DISP1: variants seen among roughly 807,000 people sequenced by gnomAD.
DISP1 encodes the protein dispatched RND transporter family member 1.
DISP1 carries 30 observed loss-of-function variants against 37.3 expected under a neutral mutation model. The observed-to-expected ratio is 0.80, with a 90% CI of 0.60 to 1.09. The LOEUF is 1.09. DISP1 is among the 50% of genes least tolerant of loss of function. DISP1 has a pLI of 0.00. For synonymous variants in DISP1, 634 were observed against 690.2 expected, an observed-to-expected ratio of 0.92 and a Z score of 1.28; for missense variants, 1,598 against 1,879.5, an observed-to-expected ratio of 0.85 and a Z score of 2.77.
At chr1:222,835,245 C>T (rs1056867367) in intron 1 of DISP1, 6 of 152,130 alleles carry the variant, frequency 3.9e-5, no homozygotes, top group African/African-American at 1.4e-4. Context: ...GAGTCATTTA[C>T]TCTTTAATTT....
At chr1:222,839,425 T>C (rs191583070) in intron 1 of DISP1, among the ~76,000 whole-genome samples, 36 of 152,320 alleles carry the variant, frequency 2.4e-4, no homozygotes, top group African/African-American at 8.4e-4. Flanking sequence ...GCACCACTTA[T>C]CTATAGCCTT....
Position 223,005,581 on chromosome 1 carries a change from T to C in DISP1, c.4184T>C (p.Val1395Ala). The stretch of plus-strand genomic sequence containing the variant: ...AAGATGGCAGAGCCATCGTCATTTG[T>C]CTGCAGAAGCACTGGATCGTTACTC... ...LPKMAEPSSFVCRSTGSLLKT... is the reference protein window; with the variant it reads ...LPKMAEPSSFACRSTGSLLKT... Residue 1395 changes from valine (V) to alanine (A), a missense_variant, in exon 9 of 9, where the codon GTC becomes GCC. Coordinates refer to ENST00000675850, the MANE Select transcript of DISP1 (RefSeq NM_001377229.1). The C allele has an allele frequency of 6.2e-7, 1 of 1,614,052 alleles. No individual in the cohort carries two copies. The highest frequency in any genetic ancestry group is 1.1e-5 in the South Asian group (1 of 91,076).
Position 223,005,681 on chromosome 1 carries a change from T to G in DISP1, c.4284T>G (p.Ser1428Arg). ...GAGACGTGAGCAATCTGGAGAGCAG[T>G]GGAGGGACTGAAAACAAGGCAGGAG... The part of the protein sequence containing the change: ...KNRDVSNLES[S>R]GGTENKAGGK... The change falls in exon 9 of 9, where the codon AGT becomes AGG. Residue 1428 changes from serine to arginine, a missense_variant. By Grantham distance (110) the Ser-to-Arg change is moderately radical. Transcript: ENST00000675850. 1 of 1,610,894 alleles carries G rather than the reference T, an allele frequency of 6.2e-7. No individual in the cohort carries two copies. The highest frequency in any genetic ancestry group is 8.5e-7 in the Non-Finnish European group (1 of 1,179,414).
intron 5 of DISP1, 97 bp downstream of exon 5, chr1:222,990,845 T>C (rs183962390): frequency 4.0e-6 from 6 of 1,494,198 alleles, no homozygotes; most frequent in Non-Finnish European, 5.6e-6. Flanking sequence ...CCCATTTCTT[T>C]AAAAACCTTC....
At chr1:222,932,946 A>G (rs1673495746) in intron 2 of DISP1, among the ~76,000 whole-genome samples, 1 of 152,014 alleles carries the variant, frequency 6.6e-6, no homozygotes, top group African/African-American at 2.4e-5. Context: ...ACTTCATTTT[A>G]TACCCACATT....
rs770232963 is a variant in DISP1 at position 223,003,255 on chromosome 1, T to C, written c.1858T>C (p.Tyr620His). The C allele has an allele frequency of 1.2e-6, 2 of 1,614,126 alleles. No homozygotes were observed. Among genetic ancestry groups the C allele is most frequent in the Non-Finnish European group, 1.7e-6 (2 of 1,180,038 alleles). Reference protein sequence around the residue: ...VTSFTTAAAFYANYVSNITAI... With the variant: ...VTSFTTAAAFHANYVSNITAI... ...CAGTTTTACCACTGCTGCTGCCTTTTATGCTAACTATGTTAGCAACATTAC... is the reference window on the plus strand; with the variant it reads ...CAGTTTTACCACTGCTGCTGCCTTTCATGCTAACTATGTTAGCAACATTAC... The change falls in exon 9 of 9, where the codon TAT becomes CAT. Residue 620 changes from tyrosine to histidine, a missense_variant. By Grantham distance (83) the Tyr-to-His change is moderately conservative. Transcript: ENST00000675850. This position sits in a 1 kb window ranked among gnomAD's most constrained non-coding sequence, Gnocchi z 4.3.
chr1:222,936,939 ATT>A (rs1250154519), intron 2 of DISP1, among the ~76,000 whole-genome samples: 4 of 77,670 alleles, frequency 5.1e-5, no homozygotes, highest in Non-Finnish European at 1.0e-4. Context: ...TGTAATATAT[ATT>A]ATATATTACA....
In DISP1 at chr1:223,004,674, G is replaced by T; in HGVS notation, c.3277G>T (p.Ala1093Ser). The T allele has an allele frequency of 1.9e-6, 3 of 1,614,086 alleles. No individual in the cohort carries two copies. Among genetic ancestry groups the T allele is most frequent in the Non-Finnish European group, 2.5e-6 (3 of 1,180,032 alleles). Residue 1093 changes from alanine (A) to serine (S), a missense_variant, in exon 9 of 9, where the codon GCA (alanine) becomes TCA (serine). Transcript: ENST00000675850. The surrounding 1 kb of genome is among the most constrained non-coding windows in gnomAD (Gnocchi z 4.9). ...MAMAALTTFV[A>S]GAMMMPSTVL... is the part of the protein sequence containing the mutation. ...CATGGCTGCCCTGACCACCTTCGTG[G>T]CAGGGGCCATGATGATGCCCTCCAC...
intron 1 of DISP1, among the ~76,000 whole-genome samples, chr1:222,871,684 T>G (rs1008099144): frequency 1.3e-5 from 2 of 152,240 alleles, no homozygotes; most frequent in African/African-American, 4.8e-5. Flanking sequence ...AAGGAGATTT[T>G]GGGCTGAGAT....
chr1:222,985,063 G>GA (rs1298662420), intron 4 of DISP1, among the ~76,000 whole-genome samples: 1 of 151,996 alleles, frequency 6.6e-6, no homozygotes, highest in Non-Finnish European at 1.5e-5. Context: ...AAGAGAGAAA[G>GA]AAAAAATGAG....
intron 1 of DISP1, among the ~76,000 whole-genome samples, chr1:222,832,934 G>A (rs190658885): frequency 2.6e-5 from 4 of 152,138 alleles, no homozygotes; most frequent in Non-Finnish European, 4.4e-5. Context: ...AGTTAAATTA[G>A]ATTACACATG....
In DISP1 at chr1:223,002,732, C is replaced by T; in HGVS notation, c.1335C>T (p.Ala445=). 6.2e-7 allele frequency: 1 copy of T among 1,614,140 alleles called. No homozygotes were observed. The highest frequency in any genetic ancestry group is 1.1e-5 in the South Asian group (1 of 91,074). The change falls in exon 9 of 9, where the codon GCC becomes GCT. Residue 445 remains alanine, a synonymous_variant. Coordinates refer to ENST00000675850, the MANE Select transcript of DISP1 (RefSeq NM_001377229.1). ...DFMTPKTADY[A]TPALKYSMLF... Reference sequence around the variant, plus strand: ...TGACCCCAAAGACGGCTGACTATGCCACGCCAGCTTTAAAATACAGCATGC... The same window carrying T: ...TGACCCCAAAGACGGCTGACTATGCTACGCCAGCTTTAAAATACAGCATGC...
chr1:222,944,180 A>T (rs1366645047), intron 3 of DISP1, among the ~76,000 whole-genome samples: 1 of 152,234 alleles, frequency 6.6e-6, no homozygotes, highest in Non-Finnish European at 1.5e-5. Context: ...CATAGCAGAT[A>T]AAACCTGTGA....
Position 223,002,532 on chromosome 1 carries a change from T to G in DISP1, c.1135T>G (p.Leu379Val). 6.2e-6 allele frequency: 10 copies of G among 1,614,168 alleles called. No homozygotes were observed. Among genetic ancestry groups the G allele is most frequent in the Non-Finnish European group, 8.5e-6 (10 of 1,180,032 alleles). Reference protein sequence around the residue: ...KIVERDVSHTLKLLRTCAKHY... With the variant: ...KIVERDVSHTVKLLRTCAKHY... ...AGTTGAGCGAGACGTTTCTCATACC[T>G]TGAAGCTGCTTCGGACTTGTGCCAA... Residue 379 changes from leucine (L) to valine (V), a missense_variant, in exon 9 of 9, where the codon TTG becomes GTG. Physicochemically the swap from Leu to Val is conservative, Grantham distance 32 (BLOSUM62 1). Coordinates refer to ENST00000675850, the MANE Select transcript of DISP1 (RefSeq NM_001377229.1).
chr1:222,989,642 G>T (rs1375489395), intron 4 of DISP1: 9 of 790,974 alleles, frequency 1.1e-5, no homozygotes, highest in Non-Finnish European at 1.4e-5. Flanking sequence ...AGTAGCTGGA[G>T]AGTACAAGCA....
chr1:222,915,845 CTT>C (rs1236669863), intron 1 of DISP1, among the ~76,000 whole-genome samples: 8 of 152,172 alleles, frequency 5.3e-5, no homozygotes, highest in African/African-American at 1.7e-4. Context: ...AAATAAAATA[CTT>C]TCCTGCTATC....
At chr1:222,930,956 C>T (rs183661154) in intron 2 of DISP1, among the ~76,000 whole-genome samples, 4 of 152,066 alleles carry the variant, frequency 2.6e-5, no homozygotes, top group Admixed American at 2.6e-4. Context: ...AAAGGATACT[C>T]ATAGGACATT....
At chr1:222,843,861 A>G (rs1332313270) in intron 1 of DISP1, among the ~76,000 whole-genome samples, 1 of 152,130 alleles carries the variant, frequency 6.6e-6, no homozygotes, top group Non-Finnish European at 1.5e-5. Context: ...GCATTAAAAG[A>G]CGCAAAAGCC....
chr1:222,878,351 T>C (rs1177630443), intron 1 of DISP1, among the ~76,000 whole-genome samples: 1 of 152,208 alleles, frequency 6.6e-6, no homozygotes, highest in Non-Finnish European at 1.5e-5. Flanking sequence ...TGAGATCTTG[T>C]TGTAGTACAG....
Sources: allele counts gnomAD v4.1 joint callset (sites outside exome capture counted in the v4.1 genomes callset), GRCh38; gene constraint gnomAD v4.1.1; non-coding constraint Gnocchi (gnomAD v3.1); transcripts MANE v1.5; gene names NCBI Gene and HGNC (gene_info 2026-07-23, HGNC 2026-07-21).